Variants in FAM110B observed in about 807,000 individuals in gnomAD.
The protein encoded by FAM110B is protein FAM110B.
FAM110B carries 6 observed loss-of-function variants against 20.4 expected under a neutral mutation model. The ratio of observed to expected loss-of-function variants is 0.29; its 90% CI spans 0.16 to 0.58. The LOEUF (loss-of-function observed/expected upper bound fraction) is 0.58, where lower values mean the gene tolerates loss of function less well. Ranked by LOEUF, FAM110B falls within the 20% of genes least tolerant of loss-of-function variation. The pLI is 0.90. For missense variants in FAM110B, 434 were observed against 498.2 expected (o/e 0.87, Z 1.23); for synonymous variants, 226 against 214.1 (o/e 1.06, Z -0.49).
chr8:58,115,366 C>T (rs549560206), intron 3 of FAM110B, among the ~76,000 whole-genome samples: 2 of 151,700 alleles, frequency 1.3e-5, no homozygotes, highest in African/African-American at 4.9e-5. Context: ...TAGTCAAAAG[C>T]GGAGCCTGAA....
intron 3 of FAM110B, among the ~76,000 whole-genome samples, chr8:58,116,472 C>T (rs1336730894): frequency 2.0e-5 from 3 of 152,230 alleles, no homozygotes; most frequent in Non-Finnish European, 2.9e-5. Context: ...TCTGTGGTTA[C>T]TCCTTTACCT....
At chr8:58,108,499 T>C (rs1392788557) in intron 3 of FAM110B, among the ~76,000 whole-genome samples, 16 of 152,162 alleles carry the variant, frequency 1.1e-4, no homozygotes, top group Admixed American at 9.8e-4. Flanking sequence ...TTAGATCCCA[T>C]GTGAGGCTTC....
chr8:57,999,821 G>A (rs559386018), intron 1 of FAM110B, among the ~76,000 whole-genome samples: 2 of 152,268 alleles, frequency 1.3e-5, no homozygotes, highest in East Asian at 3.9e-4. Flanking sequence ...ATCTGGGCTT[G>A]GTGGTCTGGG....
chr8:58,044,583 T>C (rs1201187591), intron 2 of FAM110B, among the ~76,000 whole-genome samples: 1 of 152,244 alleles, frequency 6.6e-6, no homozygotes, highest in Non-Finnish European at 1.5e-5. Context: ...TGCACTCATT[T>C]CTAATTTAGA....
At chr8:58,008,005 C>G (rs1804447672) in intron 1 of FAM110B, among the ~76,000 whole-genome samples, 1 of 151,934 alleles carries the variant, frequency 6.6e-6, no homozygotes, top group South Asian at 2.1e-4. Flanking sequence ...TTTCTCGTGC[C>G]TAAAATAGCA....
At chr8:58,130,589 G>A (rs1379534608) in intron 3 of FAM110B, among the ~76,000 whole-genome samples, 1 of 152,200 alleles carries the variant, frequency 6.6e-6, no homozygotes, top group Admixed American at 6.5e-5. Context: ...GAATGCCTGA[G>A]CATGCCACAA....
chr8:58,006,923 A>ATATATATATATATATTTTTTTTTT, intron 1 of FAM110B, among the ~76,000 whole-genome samples: 3 of 126,528 alleles, frequency 2.4e-5, no homozygotes, highest in African/African-American at 9.1e-5. Context: ...ATATATATAT[A>ATATATATATATATATTTTTTTTTT]TTTTTCCAAA....
chr8:58,114,896 G>A (rs994953934), intron 3 of FAM110B, among the ~76,000 whole-genome samples: 2 of 152,266 alleles, frequency 1.3e-5, no homozygotes, highest in Middle Eastern at 3.4e-3. Context: ...TCTCAGCCCC[G>A]TGTTGTGTTG....
chr8:58,085,278 C>T (rs181450363), intron 3 of FAM110B, among the ~76,000 whole-genome samples: 43 of 152,220 alleles, frequency 2.8e-4, no homozygotes, highest in East Asian at 9.6e-4. Context: ...TTCAGGAGTC[C>T]GGGGCAGGCA....
At chr8:58,083,807 T>C (rs539676794) in intron 3 of FAM110B, among the ~76,000 whole-genome samples, 63 of 152,326 alleles carry the variant, frequency 4.1e-4, no homozygotes, top group Non-Finnish European at 7.6e-4. Context: ...CTTTCCCACC[T>C]TGAGACACTG....
chr8:58,139,818 T>A (rs1431872105), intron 3 of FAM110B, among the ~76,000 whole-genome samples: 2 of 152,096 alleles, frequency 1.3e-5, no homozygotes, highest in African/African-American at 2.4e-5. Context: ...TAGTCCCAGC[T>A]ACTCGGAAGG....
At chr8:58,107,175 G>T (rs1464961662) in intron 3 of FAM110B, among the ~76,000 whole-genome samples, 1 of 152,020 alleles carries the variant, frequency 6.6e-6, no homozygotes, top group Non-Finnish European at 1.5e-5. Context: ...TAGTTTCCTA[G>T]CCTGTTAAAG....
intron 3 of FAM110B, among the ~76,000 whole-genome samples, chr8:58,102,097 A>G (rs1806792454): frequency 6.6e-6 from 1 of 152,208 alleles, no homozygotes; most frequent in Non-Finnish European, 1.5e-5. Flanking sequence ...AACAATGATA[A>G]CTTATTCGCC....
At chr8:58,005,306 G>C (rs1413925501) in intron 1 of FAM110B, among the ~76,000 whole-genome samples, 1 of 152,172 alleles carries the variant, frequency 6.6e-6, no homozygotes, top group African/African-American at 2.4e-5. Flanking sequence ...GGTTATGTTT[G>C]CTATCTTTTG....
At position 57,994,790 on chromosome 8, in the gene FAM110B, T is replaced by G. The variant is rs1352457828; in HGVS notation, c.-528T>G. 6.6e-6 allele frequency: 1 copy of G among 152,038 alleles called. No homozygotes were observed. Among genetic ancestry groups the G allele is most frequent in the Non-Finnish European group, 1.5e-5 (1 of 68,050 alleles). 9.4% of individuals were successfully genotyped at this position (152,038 alleles called of 1,614,324 possible). A position where few individuals can be genotyped will look rare whatever the true frequency, so the allele number is the denominator to read the frequency against. On this transcript the variant is annotated 5_prime_UTR_variant, in exon 1 of 4. Coordinates refer to ENST00000519262, the MANE Select transcript of FAM110B (RefSeq NM_001377989.1). Reference sequence around the variant, plus strand: ...CGGCTCGGGCCGCACCGCCAGGGACTGGGGTGAGCGGCCCAGGTAAGACTG... The same window carrying G: ...CGGCTCGGGCCGCACCGCCAGGGACGGGGGTGAGCGGCCCAGGTAAGACTG...
chr8:58,076,635 T>C (rs1418361582), intron 3 of FAM110B, among the ~76,000 whole-genome samples: 1 of 152,170 alleles, frequency 6.6e-6, no homozygotes, highest in African/African-American at 2.4e-5. Flanking sequence ...GTACAGATGA[T>C]TCCCTCTTTT....
intron 2 of FAM110B, among the ~76,000 whole-genome samples, chr8:58,046,497 G>C (rs866007611): frequency 9.2e-5 from 14 of 152,206 alleles, no homozygotes; most frequent in South Asian, 2.1e-4. Context: ...GTTCTTTCTA[G>C]TCTACAGTAC....
At chr8:58,022,340 A>G (rs1468689974) in intron 1 of FAM110B, among the ~76,000 whole-genome samples, 1 of 152,192 alleles carries the variant, frequency 6.6e-6, no homozygotes, top group African/African-American at 2.4e-5. Context: ...CAGTGGTGAC[A>G]GAAAGTACAA....
At chr8:58,033,298 C>A (rs1805008179) in intron 2 of FAM110B, among the ~76,000 whole-genome samples, 1 of 152,052 alleles carries the variant, frequency 6.6e-6, no homozygotes, top group South Asian at 2.1e-4. Context: ...ATCCAGTCCA[C>A]CATTGATGTA....
Sources: allele counts gnomAD v4.1 joint callset (sites outside exome capture counted in the v4.1 genomes callset), GRCh38; gene constraint gnomAD v4.1.1; transcripts MANE v1.5; gene names NCBI Gene and HGNC (gene_info 2026-07-23, HGNC 2026-07-21).